Variants in GSAP observed in about 807,000 individuals in gnomAD.
The protein encoded by GSAP is gamma-secretase activating protein, also known as gamma-secretase-activating protein.
Under a neutral mutation model 131.7 loss-of-function variants are expected in GSAP, and 118 were observed. The observed-to-expected ratio is 0.90, with a 90% CI of 0.77 to 1.04. The LOEUF is 1.04. Ranked by LOEUF, GSAP falls within the 50% of genes least tolerant of loss-of-function variation. The probability of loss-of-function intolerance (pLI) is 0.00; values close to 1 mark genes in which losing one functional copy is unlikely to be tolerated. For missense variants in GSAP, 1,019 were observed against 1,013.2 expected, an observed-to-expected ratio of 1.01 and a Z score of -0.08; for synonymous variants, 381 against 363.4, an observed-to-expected ratio of 1.05 and a Z score of -0.55.
intron 24 of GSAP, 32 bp from the exon 25 acceptor site, chr7:77,321,435 C>G (rs1317791725): frequency 1.4e-6 from 2 of 1,423,768 alleles, no homozygotes; most frequent in Non-Finnish European, 2.0e-6. Flanking sequence ...TTAACCATTG[C>G]TCCATTCCTT....
At position 77,416,149 on chromosome 7, in the gene GSAP, T is replaced by C. The variant is rs553919772; in HGVS notation, c.109+64A>G. ...CGGGTTGCTCCCCACCGGGTCGGAG[T>C]CCGGGGGGTATGAGGGACTCCCACT... On this transcript the variant is annotated intron_variant, in intron 1 of 30. Coordinates refer to ENST00000257626, the MANE Select transcript of GSAP (RefSeq NM_017439.4). 8 of 966,220 alleles carry C rather than the reference T, an allele frequency of 8.3e-6. No homozygotes were observed. The East Asian group carries it at 2.3e-4, about 28-fold the overall frequency. 59.9% of individuals were successfully genotyped at this position (966,220 alleles called of 1,614,324 possible).
intron 12 of GSAP, among the ~76,000 whole-genome samples, chr7:77,364,920 C>A (rs187192347): frequency 8.5e-5 from 13 of 152,264 alleles, no homozygotes; most frequent in Admixed American, 5.2e-4. Context: ...TGGCAACTAG[C>A]CACATGTAGT....
intron 5 of GSAP, among the ~76,000 whole-genome samples, chr7:77,390,946 TAAAAAAAAAAAAAAAAAA>T (rs71085453): frequency 1.4e-3 from 53 of 37,946 alleles, no homozygotes; most frequent in Middle Eastern, 0.028. Context: ...AGACTCCGTC[TAAAAAAAAAAAAAAAAAA>T]AAAAAAAAAA....
At chr7:77,357,653 A>G (rs1456452335) in intron 14 of GSAP, among the ~76,000 whole-genome samples, 2 of 152,148 alleles carry the variant, frequency 1.3e-5, no homozygotes, top group African/African-American at 4.8e-5. Flanking sequence ...CAAAAAAATA[A>G]TGTTTTAAGA....
intron 5 of GSAP, among the ~76,000 whole-genome samples, 160 bp downstream of exon 5, chr7:77,396,818 ATTTT>A (rs58361495): frequency 6.6e-6 from 1 of 151,742 alleles, no homozygotes; most frequent in Non-Finnish European, 1.5e-5. Context: ...TGAAAAAAAA[ATTTT>A]TTTTAAGTCT....
intron 14 of GSAP, among the ~76,000 whole-genome samples, chr7:77,357,144 G>C (rs906337410): frequency 2.6e-5 from 4 of 152,140 alleles, no homozygotes; most frequent in African/African-American, 9.7e-5. Context: ...ACAGTGATTT[G>C]GGTTGTTAAC....
intron 15 of GSAP, 39 bp from the exon 16 acceptor site, chr7:77,355,469 A>G (rs1484015580): frequency 6.5e-7 from 1 of 1,532,220 alleles, no homozygotes; most frequent in Admixed American, 1.8e-5. Flanking sequence ...AGCAAATAGA[A>G]GAAACTCCTT....
chr7:77,320,863 C>T, intron 25 of GSAP, 44 bp from the exon 26 acceptor site: 2 of 1,163,138 alleles, frequency 1.7e-6, no homozygotes, highest in Non-Finnish European at 2.6e-6. Flanking sequence ...AGGAGCTCAT[C>T]TGTGATGCTC....
chr7:77,412,407 C>T (rs1337523139), intron 1 of GSAP, among the ~76,000 whole-genome samples: 1 of 151,850 alleles, frequency 6.6e-6, no homozygotes, highest in African/African-American at 2.4e-5. Context: ...AGTCATAAAG[C>T]TTCCAAAAGT....
At position 77,355,251 on chromosome 7, in the gene GSAP, G is replaced by A. The variant is rs1024807853; in HGVS notation, c.1300C>T (p.Leu434Phe). Reference sequence around the variant, plus strand: ...AACTGCGCACCTTGACCGCAGTAGAGCGCGCAGTGCAACGCAGCCATCTTC... The same window carrying A: ...AACTGCGCACCTTGACCGCAGTAGAACGCGCAGTGCAACGCAGCCATCTTC... Reference protein sequence around the residue: ...CEKMAALHCALYCGQGAQFLE... With the variant: ...CEKMAALHCAFYCGQGAQFLE... Residue 434 changes from leucine to phenylalanine, a missense_variant, in exon 16 of 31, where the codon CTC becomes TTC. By Grantham distance (22) the Leu-to-Phe change is conservative (BLOSUM62 0). Transcript: ENST00000257626. 1 of 1,613,956 alleles carries A rather than the reference G, an allele frequency of 6.2e-7. No homozygotes were observed. Among genetic ancestry groups the A allele is most frequent in the Non-Finnish European group, 8.5e-7 (1 of 1,179,856 alleles).
chr7:77,355,252 C>T lies in GSAP; in HGVS notation c.1299G>A (p.Ala433=), dbSNP rs762019139. The change falls in exon 16 of 31, where the codon GCG becomes GCA. Residue 433 remains alanine, a synonymous_variant. Transcript: ENST00000257626. The part of the protein sequence containing the change: ...DCEKMAALHC[A]LYCGQGAQFL... ...ACTGCGCACCTTGACCGCAGTAGAG[C>T]GCGCAGTGCAACGCAGCCATCTTCT... The T allele has an allele frequency of 6.8e-6, 11 of 1,613,686 alleles. No individual in the cohort carries two copies. The highest frequency in any genetic ancestry group is 2.2e-5 in the South Asian group (2 of 91,082).
At chr7:77,339,149 A>C (rs184870781) in intron 19 of GSAP, among the ~76,000 whole-genome samples, 389 of 152,240 alleles carry the variant, frequency 2.6e-3, no homozygotes, top group African/African-American at 8.8e-3. Flanking sequence ...GACTAGGGAG[A>C]GAGGAGCTGA....
chr7:77,316,079 CAGA>C (rs2150591155), intron 26 of GSAP: 2 of 152,296 alleles, frequency 1.3e-5, no homozygotes, highest in South Asian at 2.1e-4. Context: ...TTAAGCAGAA[CAGA>C]AGATTTACCA....
intron 12 of GSAP, among the ~76,000 whole-genome samples, chr7:77,366,331 T>C (rs1795305967): frequency 6.6e-6 from 1 of 152,218 alleles, no homozygotes; most frequent in Admixed American, 6.5e-5. Flanking sequence ...TAGGATGGTA[T>C]TGCCTACGTT....
At chr7:77,373,826 T>C (rs1402048726) in intron 12 of GSAP, among the ~76,000 whole-genome samples, 1 of 152,228 alleles carries the variant, frequency 6.6e-6, no homozygotes, top group Admixed American at 6.5e-5. Context: ...TTTTCTCTGT[T>C]AGAACCATAC....
In GSAP at chr7:77,362,679, TTAG is replaced by T. The variant is rs1794710445; in HGVS notation, c.872-22_872-20del. The T allele has an allele frequency of 1.4e-6, 2 of 1,391,646 alleles. No homozygotes were observed. Among genetic ancestry groups the T allele is most frequent in the Non-Finnish European group, 2.0e-6 (2 of 979,902 alleles). 86.2% of individuals were successfully genotyped at this position (1,391,646 alleles called of 1,614,324 possible). A position where few individuals can be genotyped will look rare whatever the true frequency, so the allele number is the denominator to read the frequency against. ...AAACTTCCTAGAAGAAAAAGGATATTTAGTAGAGTTTAACAGAATCTATGTCAT... is the reference window on the plus strand; with the variant it reads ...AAACTTCCTAGAAGAAAAAGGATATTTAGAGTTTAACAGAATCTATGTCAT... On this transcript the variant is annotated intron_variant, in intron 12 of 30. Coordinates refer to ENST00000257626, the MANE Select transcript of GSAP (RefSeq NM_017439.4).
chr7:77,377,404 A>G lies in GSAP; in HGVS notation c.577-14T>C. Reference sequence around the variant, plus strand: ...ATTTTTAATCACCTAAAAATGCAAAAAAAAAAAAAAAAAAAAAAGTATGAA... The same window carrying G: ...ATTTTTAATCACCTAAAAATGCAAAGAAAAAAAAAAAAAAAAAAGTATGAA... On this transcript the variant is annotated splice_polypyrimidine_tract_variant and intron_variant, in intron 8 of 30. Coordinates refer to ENST00000257626, the MANE Select transcript of GSAP (RefSeq NM_017439.4). 2 of 497,820 alleles carry G rather than the reference A, an allele frequency of 4.0e-6. No homozygotes were observed. The highest frequency in any genetic ancestry group is 4.4e-5 in the South Asian group (1 of 22,508). 30.8% of individuals were successfully genotyped at this position (497,820 alleles called of 1,614,324 possible).
At chr7:77,392,087 T>C (rs60224582) in intron 5 of GSAP, among the ~76,000 whole-genome samples, 4,447 of 151,418 alleles carry the variant, frequency 0.029, 218 homozygotes, top group African/African-American at 0.1. Context: ...TAGCCGGAAG[T>C]GGTGGTGGAT....
rs201453449 is a variant in GSAP, at chr7:77,381,369, C to A, written c.527-15G>T. Reference sequence around the variant, plus strand: ...TTGTTCAATATCTTTAAAAGAAAAACAAAGAAAGATAATTTAACCTTAAGG... The same window carrying A: ...TTGTTCAATATCTTTAAAAGAAAAAAAAAGAAAGATAATTTAACCTTAAGG... On this transcript the variant is annotated splice_polypyrimidine_tract_variant and intron_variant, in intron 7 of 30. Transcript: ENST00000257626. The A allele has an allele frequency of 6.0e-6, 7 of 1,168,702 alleles. No individual in the cohort carries two copies. The highest frequency in any genetic ancestry group is 7.9e-6 in the Non-Finnish European group (7 of 886,470). 72.4% of individuals were successfully genotyped at this position (1,168,702 alleles called of 1,614,324 possible).
Sources: gnomAD v4.1 joint callset for allele counts (sites outside exome capture counted in the v4.1 genomes callset) on GRCh38, gnomAD v4.1.1 for gene constraint, MANE v1.5 for transcripts, NCBI Gene and HGNC (gene_info 2026-07-23, HGNC 2026-07-21) for gene names.